The following SLC25A19 variants were observed in gnomAD, a reference collection of about 807,000 sequenced individuals.
SLC25A19 encodes the protein mitochondrial thiamine pyrophosphate carrier.
Under a neutral mutation model 27.9 loss-of-function variants are expected in SLC25A19, and 18 were observed. That is an observed-to-expected ratio of 0.64 (90% confidence interval 0.45 to 0.96). The LOEUF (loss-of-function observed/expected upper bound fraction) is 0.96. SLC25A19 is among the 40% of genes least tolerant of loss of function. The probability of loss-of-function intolerance (pLI) is 0.00; values close to 1 mark genes in which losing one functional copy is unlikely to be tolerated. For synonymous variants in SLC25A19, 169 were observed against 167.1 expected (o/e 1.01, Z -0.09); for missense variants, 371 against 418.3 (o/e 0.89, Z 0.99).
chr17:75,279,849 T>C (rs12325884), intron 5 of SLC25A19, among the ~76,000 whole-genome samples: 142,449 of 152,152 alleles, frequency 0.94, 67,196 homozygotes, highest in Non-Finnish European at 1. Flanking sequence ...CACTTTGTTG[T>C]TTGGGCTGGA....
Position 75,273,413 on chromosome 17 carries a change from A to T in SLC25A19, c.*38T>A. On this transcript the variant is annotated 3_prime_UTR_variant, in exon 8 of 8. Transcript: ENST00000416858. ...GAGACTGAATCTTCCTTCCTTCAGG[A>T]GGCTGCCTCCAGGGAAGACCTGGGG... 6.2e-7 allele frequency: 1 copy of T among 1,601,556 alleles called. No individual in the cohort carries two copies. Among genetic ancestry groups the T allele is most frequent in the Non-Finnish European group, 8.5e-7 (1 of 1,173,740 alleles).
rs2077789661 is a variant in SLC25A19, at chr17:75,273,762, T to TTC, written c.775-124_775-123insGA. The TTC allele has an allele frequency of 8.4e-6, 8 of 957,942 alleles. No homozygotes were observed. In the Admixed American group the frequency reaches 1.5e-4, roughly 18 times the overall value. The allele number at this position is 957,942 out of a possible 1,614,324, so 59.3% of individuals were successfully genotyped here. A position where few individuals can be genotyped will look rare whatever the true frequency, so the allele number is the denominator to read the frequency against. ...AAGAAATGAATGCAAAATAGCAAAT[T>TTC]ATTTTATTTTTTCGTTGAGGCAGAG... On this transcript the variant is annotated intron_variant, in intron 7 of 7. Transcript: ENST00000416858.
chr17:75,278,613 G>A (rs889082037), intron 5 of SLC25A19, among the ~76,000 whole-genome samples: 3 of 152,266 alleles, frequency 2.0e-5, no homozygotes, highest in South Asian at 2.1e-4. Context: ...AGCTAAAGAC[G>A]CGATGTCCAT....
At chr17:75,286,131 G>A (rs1409883731) in intron 4 of SLC25A19, among the ~76,000 whole-genome samples, 173 bp downstream of exon 4, 3 of 152,226 alleles carry the variant, frequency 2.0e-5, no homozygotes, top group East Asian at 1.9e-4. Context: ...ATGGCGGAGG[G>A]CAATGCCTAC....
At chr17:75,286,118 G>T (rs1461672835) in intron 4 of SLC25A19, among the ~76,000 whole-genome samples, 186 bp downstream of exon 4, 1 of 152,236 alleles carries the variant, frequency 6.6e-6, no homozygotes, top group Non-Finnish European at 1.5e-5. Flanking sequence ...TAGACGCAGG[G>T]ACATGGCGGA....
At chr17:75,282,084 A>G (rs1170555533) in intron 5 of SLC25A19, among the ~76,000 whole-genome samples, 2 of 150,454 alleles carry the variant, frequency 1.3e-5, no homozygotes, top group African/African-American at 4.9e-5. Flanking sequence ...AGACTGGGCA[A>G]CATGACGAAA....
At position 75,274,722 on chromosome 17, in the gene SLC25A19, G is replaced by A. The variant is rs376693989; in HGVS notation, c.775-1083C>T. ...CTTGGGAGGCTGAGAGGGGAGGATC[G>A]CTTGAGCCCAGGAGTTCGAGACCAG... is the stretch of plus-strand genomic sequence containing the variant. On this transcript the variant is annotated intron_variant, in intron 7 of 7. Transcript: ENST00000416858. Among the ~76,000 whole-genome samples the A allele has an allele frequency of 1.9e-4, 29 of 152,134 alleles. No individual in the cohort carries two copies. In the South Asian group the frequency reaches 5.2e-3, roughly 27 times the overall value.
chr17:75,280,813 C>T (rs2078021264), intron 5 of SLC25A19, among the ~76,000 whole-genome samples: 1 of 151,700 alleles, frequency 6.6e-6, no homozygotes, highest in Non-Finnish European at 1.5e-5. Context: ...TGGTAGCGGA[C>T]CTGTAGTCCC....
chr17:75,277,972 G>A (rs898792734), intron 6 of SLC25A19, among the ~76,000 whole-genome samples, 180 bp downstream of exon 6: 6 of 152,200 alleles, frequency 3.9e-5, no homozygotes, highest in Non-Finnish European at 5.9e-5. Context: ...GGCAGGAGCT[G>A]GAAGAAATCA....
rs186632688 is a variant in SLC25A19, at chr17:75,273,636, G to A, written c.778C>T (p.Arg260Trp). The A allele has an allele frequency of 9.9e-6, 16 of 1,612,388 alleles. No individual in the cohort carries two copies. Among genetic ancestry groups the A allele is most frequent in the Admixed American group, 6.7e-5 (4 of 60,012 alleles). The stretch of plus-strand genomic sequence containing the variant: ...CAGTCCATGAGGCCCTTGTATCTCC[G>A]TACCTGGGGAGAGGAAAGGGATGAA... ...EHARAAFGQV[R>W]RYKGLMDCAK... Residue 260 changes from arginine (R) to tryptophan (W), a missense_variant, in exon 8 of 8, where the codon CGG (arginine) becomes TGG (tryptophan). By Grantham distance (101) the Arg-to-Trp change is moderately radical (BLOSUM62 -3). Transcript: ENST00000416858.
intron 5 of SLC25A19, among the ~76,000 whole-genome samples, chr17:75,281,027 A>C (rs1181691357): frequency 6.6e-6 from 1 of 151,650 alleles, no homozygotes; most frequent in Non-Finnish European, 1.5e-5. Context: ...CCTACAAAAA[A>C]TAAAAAAATA....
chr17:75,288,865 G>A (rs1207803668), intron 1 of SLC25A19: 2 of 152,148 alleles, frequency 1.3e-5, no homozygotes, highest in African/African-American at 4.8e-5. Flanking sequence ...CGCGGCAAGC[G>A]ACTGAGAGGC....
Position 75,283,520 on chromosome 17 carries a change from T to C in SLC25A19, c.362A>G (p.His121Arg), listed in dbSNP as rs768346252. 77 of 1,613,608 alleles carry C rather than the reference T, an allele frequency of 4.8e-5. No homozygotes were observed. The highest frequency in any genetic ancestry group is 6.1e-5 in the Non-Finnish European group (72 of 1,179,920). Residue 121 changes from histidine to arginine, a missense_variant, in exon 5 of 8, where the codon CAC (histidine) becomes CGC (arginine). Transcript: ENST00000416858. ...GGCAGCCAGGCCACCACATACAAAG[T>C]GCACTGAGAATTCCCGGGCGTCATA... Reference protein sequence around the residue: ...SVYDAREFSVHFVCGGLAACM... With the variant: ...SVYDAREFSVRFVCGGLAACM...
At chr17:75,286,961 G>A (rs2078199674) in intron 2 of SLC25A19, 159 bp from the exon 3 acceptor site, 1 of 672,068 alleles carries the variant, frequency 1.5e-6, no homozygotes, top group South Asian at 1.7e-5. Context: ...AGCACTTTCG[G>A]AGGCCGAGGT....
At chr17:75,288,809 C>A (rs929490661) in intron 1 of SLC25A19, among the ~76,000 whole-genome samples, 1 of 152,128 alleles carries the variant, frequency 6.6e-6, no homozygotes, top group Non-Finnish European at 1.5e-5. Flanking sequence ...TCTCCTCTCA[C>A]CCACCCTGGA....
chr17:75,278,210 G>A lies in SLC25A19; in HGVS notation c.585C>T (p.Cys195=). The A allele has an allele frequency of 6.2e-7, 1 of 1,614,056 alleles. No homozygotes were observed. The highest frequency in any genetic ancestry group is 8.5e-7 in the Non-Finnish European group (1 of 1,180,018). The change falls in exon 6 of 8, where the codon TGC becomes TGT. Residue 195 remains cysteine, a synonymous_variant. Transcript: ENST00000416858. The part of the protein sequence containing the change: ...IFPYAGLQFS[C]YSSLKHLYKW... ...TGTACAGGTGCTTCAAGGAGCTGTA[G>A]CAAGAGAACTGCAGCCCGGCGTAGG...
At chr17:75,282,090 C>T (rs1246640452) in intron 5 of SLC25A19, among the ~76,000 whole-genome samples, 11 of 150,580 alleles carry the variant, frequency 7.3e-5, no homozygotes, top group African/African-American at 2.2e-4. Context: ...GGCAACATGA[C>T]GAAACCCCGT....
intron 5 of SLC25A19, among the ~76,000 whole-genome samples, chr17:75,279,910 A>C (rs2077995934): frequency 6.6e-6 from 1 of 151,592 alleles, no homozygotes; most frequent in Non-Finnish European, 1.5e-5. Context: ...AATCCTCTCA[A>C]CTCAATCTTC....
At position 75,282,779 on chromosome 17, in the gene SLC25A19, G is replaced by A. The variant is rs370225535; in HGVS notation, c.459+644C>T. 5.9e-5 allele frequency among the ~76,000 whole-genome samples: 9 copies of A among 151,738 alleles called. No individual in the cohort carries two copies. The South Asian group carries it at 1.9e-3, about 32-fold the overall frequency. ...AGGAGGGAGAATGGCGTGAACCCAG[G>A]AGGCGGAGCTTGCAGTAGCCGAGAC... is the stretch of plus-strand genomic sequence containing the variant. On this transcript the variant is annotated intron_variant, in intron 5 of 7. Coordinates refer to ENST00000416858, the MANE Select transcript of SLC25A19 (RefSeq NM_001126121.2).
Sources: gnomAD v4.1 joint callset for allele counts (sites outside exome capture counted in the v4.1 genomes callset) on GRCh38, gnomAD v4.1.1 for gene constraint, MANE v1.5 for transcripts, NCBI Gene and HGNC (gene_info 2026-07-23, HGNC 2026-07-21) for gene names.